The following PDPK1 variants were observed in gnomAD, a reference collection of about 807,000 sequenced individuals.
PDPK1 encodes 3-phosphoinositide dependent protein kinase 1, also known as 3-phosphoinositide-dependent protein kinase 1.
Under a neutral mutation model 39.8 loss-of-function variants are expected in PDPK1, and 7 were observed. The observed-to-expected ratio is 0.18, with a 90% CI of 0.10 to 0.33. The LOEUF is 0.33. Among genes scored for constraint, PDPK1 ranks in the 10% least tolerant of loss-of-function variants. The probability of loss-of-function intolerance (pLI) is 1.00; values close to 1 mark genes in which losing one functional copy is unlikely to be tolerated. For missense variants in PDPK1, 182 were observed against 384.7 expected, an observed-to-expected ratio of 0.47 and a Z score of 4.41; for synonymous variants, 118 against 159.1, an observed-to-expected ratio of 0.74 and a Z score of 1.95.
In PDPK1 at chr16:2,598,739, A is replaced by G. The variant is rs938018529; in HGVS notation, c.*972A>G. ...AAGGTTTAAATGTCCACGCCTCTCC[A>G]GTTGCTGAAGTAGGGTCTGAGAGAA... On this transcript the variant is annotated 3_prime_UTR_variant, in exon 14 of 14. Transcript: ENST00000342085. 3 of 233,178 alleles carry G rather than the reference A, an allele frequency of 1.3e-5. No individual in the cohort carries two copies. Among genetic ancestry groups the G allele is most frequent in the Non-Finnish European group, 2.5e-5 (3 of 118,066 alleles). 14.4% of individuals were successfully genotyped at this position (233,178 alleles called of 1,614,324 possible). A position where few individuals can be genotyped will look rare whatever the true frequency, so the allele number is the denominator to read the frequency against.
At chr16:2,595,120 C>G (rs954531333) in intron 11 of PDPK1, among the ~76,000 whole-genome samples, 4 of 152,320 alleles carry the variant, frequency 2.6e-5, no homozygotes, top group African/African-American at 9.6e-5. Flanking sequence ...AAGACTTTGT[C>G]TCTAAAAACA....
At chr16:2,585,444 C>T (rs1011431807) in intron 10 of PDPK1, among the ~76,000 whole-genome samples, 4 of 152,338 alleles carry the variant, frequency 2.6e-5, no homozygotes, top group South Asian at 4.1e-4. Flanking sequence ...CCTGCAGGGC[C>T]GCACCCCCTC....
At position 2,600,836 on chromosome 16, in the gene PDPK1, T is replaced by TGCC. The variant is rs2067202215; in HGVS notation, c.*3069_*3070insGCC. The TGCC allele has an allele frequency of 5.1e-6, 1 of 197,516 alleles. No homozygotes were observed. Among genetic ancestry groups the TGCC allele is most frequent in the African/African-American group, 3.0e-5 (1 of 33,226 alleles). 12.2% of individuals were successfully genotyped at this position (197,516 alleles called of 1,614,324 possible). A position where few individuals can be genotyped will look rare whatever the true frequency, so the allele number is the denominator to read the frequency against. On this transcript the variant is annotated 3_prime_UTR_variant, in exon 14 of 14. Transcript: ENST00000342085. The stretch of plus-strand genomic sequence containing the variant: ...GAAGACCACTGTGAGCATTTTGCCG[T>TGCC]ATATCCTGCCCTGCCATTTGTTCAC...
At chr16:2,585,988 T>C (rs1470508634) in intron 10 of PDPK1, among the ~76,000 whole-genome samples, 3 of 152,208 alleles carry the variant, frequency 2.0e-5, no homozygotes, top group African/African-American at 7.2e-5. Context: ...TGGCTTCCCT[T>C]GCCCAGGGAC....
chr16:2,586,536 A>G (rs986750855), intron 10 of PDPK1, 140 bp from the exon 11 acceptor site: 1 of 668,406 alleles, frequency 1.5e-6, no homozygotes, highest in Non-Finnish European at 2.6e-6. Flanking sequence ...GAGGAGAATC[A>G]GGGCTGCCCA....
In PDPK1 at chr16:2,601,712, A is replaced by G. The variant is rs1411869589; in HGVS notation, c.*3945A>G. 5.5e-6 allele frequency: 1 copy of G among 180,282 alleles called. No individual in the cohort carries two copies. The highest frequency in any genetic ancestry group is 7.0e-5 in the Admixed American group (1 of 14,230). 11.2% of individuals were successfully genotyped at this position (180,282 alleles called of 1,614,324 possible). On this transcript the variant is annotated 3_prime_UTR_variant, in exon 14 of 14. Transcript: ENST00000342085. ...CTCCCCCTTCCACCCGTGGGGCCCC[A>G]CCTTCAGGTCTTAGTGGTTCACAAG...
chr16:2,557,850 C>T lies in PDPK1; in HGVS notation c.172C>T (p.Pro58Ser). 1.3e-6 allele frequency: 2 copies of T among 1,515,304 alleles called. No homozygotes were observed. The allele number at this position is 1,515,304 out of a possible 1,614,324, so 93.9% of individuals were successfully genotyped here. The change falls in exon 2 of 14, where the codon CCT becomes TCT. Residue 58 changes from proline (P) to serine (S), a missense_variant. By Grantham distance (74) the Pro-to-Ser change is moderately conservative (BLOSUM62 -1). Coordinates refer to ENST00000342085, the MANE Select transcript of PDPK1 (RefSeq NM_002613.5). ...GPAMDGTAAE[P>S]RPGAGSLQHA... ...CGCCATGGACGGCACTGCAGCCGAG[C>T]CTCGGCCCGGCGCCGGCTCCCTGCA...
At chr16:2,539,726 T>G (rs56092283) in intron 1 of PDPK1, among the ~76,000 whole-genome samples, 2 of 152,068 alleles carry the variant, frequency 1.3e-5, no homozygotes, top group African/African-American at 4.8e-5. Flanking sequence ...GGCCGAGAGT[T>G]ATGTCGAAGT....
chr16:2,578,195 C>T (rs1237648152), intron 7 of PDPK1, among the ~76,000 whole-genome samples: 6 of 145,908 alleles, frequency 4.1e-5, no homozygotes, highest in African/African-American at 7.9e-5. Flanking sequence ...GACAGCGTCC[C>T]GCAGAGCGCA....
At chr16:2,538,543 G>T (rs1320479970) in intron 1 of PDPK1, 1 of 981,386 alleles carries the variant, frequency 1.0e-6, no homozygotes, top group Admixed American at 2.3e-5. Context: ...GGTCCTTGGC[G>T]CCTCCGCCTG....
intron 10 of PDPK1, among the ~76,000 whole-genome samples, chr16:2,586,049 C>T (rs1278318303): frequency 6.6e-6 from 1 of 152,174 alleles, no homozygotes; most frequent in Non-Finnish European, 1.5e-5. Flanking sequence ...GCTGTGTCCG[C>T]TTGGCACGTT....
chr16:2,545,113 T>C (rs1371765366), intron 1 of PDPK1, among the ~76,000 whole-genome samples: 1 of 150,648 alleles, frequency 6.6e-6, no homozygotes. Context: ...CTTGGCTCAC[T>C]GCAACCTCCG....
rs566654803 is a variant in PDPK1 at position 2,544,545 on chromosome 16, C to T, written c.24+6409C>T. 6.6e-5 allele frequency among the ~76,000 whole-genome samples: 10 copies of T among 152,260 alleles called. No homozygotes were observed. In the South Asian group the frequency reaches 2.1e-3, roughly 32 times the overall value. ...CACCTGGATTCTACCAGTTGTTAAC[C>T]TTTTCCATATTTGCTTGTATACATT... On this transcript the variant is annotated intron_variant, in intron 1 of 13. Coordinates refer to ENST00000342085, the MANE Select transcript of PDPK1 (RefSeq NM_002613.5).
rs1187881447 is a variant in PDPK1, at chr16:2,599,957, G to T, written c.*2190G>T. ...AACCTCCAAAGCCACAGAACTAGGGGCTCAGAGCCAGAGCTGGCAGCCGCC... is the reference window on the plus strand; with the variant it reads ...AACCTCCAAAGCCACAGAACTAGGGTCTCAGAGCCAGAGCTGGCAGCCGCC... On this transcript the variant is annotated 3_prime_UTR_variant, in exon 14 of 14. Transcript: ENST00000342085. 4 of 233,174 alleles carry T rather than the reference G, an allele frequency of 1.7e-5. No homozygotes were observed. Among genetic ancestry groups the T allele is most frequent in the Non-Finnish European group, 3.4e-5 (4 of 118,078 alleles). 14.4% of individuals were successfully genotyped at this position (233,174 alleles called of 1,614,324 possible).
chr16:2,588,761 T>G (rs1374840356), intron 11 of PDPK1, among the ~76,000 whole-genome samples: 1 of 152,102 alleles, frequency 6.6e-6, no homozygotes, highest in East Asian at 1.9e-4. Context: ...CTCTTTACAG[T>G]AGTGGTTTGC....
At chr16:2,543,882 C>T (rs1018424509) in intron 1 of PDPK1, among the ~76,000 whole-genome samples, 5 of 131,690 alleles carry the variant, frequency 3.8e-5, no homozygotes, top group South Asian at 2.7e-4. Flanking sequence ...CCACCGCACC[C>T]GGCTAATTTT....
chr16:2,597,532 A>G lies in PDPK1; in HGVS notation c.1555-119A>G, dbSNP rs1241134090. The G allele has an allele frequency of 3.8e-6, 3 of 779,708 alleles. No individual in the cohort carries two copies. The highest frequency in any genetic ancestry group is 4.9e-5 in the East Asian group (2 of 40,932). The allele number at this position is 779,708 out of a possible 1,614,324, so 48.3% of individuals were successfully genotyped here. On this transcript the variant is annotated intron_variant, in intron 13 of 13. Transcript: ENST00000342085. This position sits in a 1 kb window ranked among gnomAD's most constrained non-coding sequence, Gnocchi z 6.3. ...TAGTTGCTTACTGCTTGTGTGAATA[A>G]CCGTCACACCCACGTGCTTTCAGGA...
At chr16:2,578,220 G>A (rs1179374386) in intron 7 of PDPK1, among the ~76,000 whole-genome samples, 1 of 145,018 alleles carries the variant, frequency 6.9e-6, no homozygotes, top group Non-Finnish European at 1.5e-5. Context: ...GGCCCTGGAG[G>A]GTGCGGGTGT....
chr16:2,544,431 T>G (rs1303844939), intron 1 of PDPK1, among the ~76,000 whole-genome samples: 2 of 152,214 alleles, frequency 1.3e-5, no homozygotes, highest in Admixed American at 1.3e-4. Context: ...GGACTGAGGA[T>G]GAACCTTTCT....
Sources: gnomAD v4.1 joint callset for allele counts (sites outside exome capture counted in the v4.1 genomes callset) on GRCh38, gnomAD v4.1.1 for gene constraint, Gnocchi (gnomAD v3.1) non-coding constraint, MANE v1.5 for transcripts, NCBI Gene and HGNC (gene_info 2026-07-23, HGNC 2026-07-21) for gene names.